Variants in NT5DC3 observed in about 807,000 individuals in gnomAD.
NT5DC3 encodes 5'-nucleotidase domain containing 3, also known as 5'-nucleotidase domain-containing protein 3.
A neutral mutation model predicts 67.8 loss-of-function variants in NT5DC3; 42 were observed. The observed-to-expected ratio is 0.62, with a 90% CI of 0.48 to 0.80. The LOEUF (loss-of-function observed/expected upper bound fraction) is 0.80, where lower values mean the gene tolerates loss of function less well. Ranked by LOEUF, NT5DC3 falls within the 30% of genes least tolerant of loss-of-function variation. The pLI, the probability that NT5DC3 is intolerant of heterozygous loss-of-function variation, is 0.00. For synonymous variants in NT5DC3, 237 were observed against 255.6 expected (o/e 0.93, Z 0.69); for missense variants, 570 against 696.4 (o/e 0.82, Z 2.04).
the NT5DC3 span, chr12:103,755,136 C>T: frequency 1.1e-6 from 1 of 871,098 alleles, no homozygotes; most frequent in Non-Finnish European, 1.8e-6. Flanking sequence ...CTCAATCAAT[C>T]AGTCAACATC....
chr12:103,795,468 A>T (rs1886269607), intron 6 of NT5DC3, among the ~76,000 whole-genome samples: 1 of 152,234 alleles, frequency 6.6e-6, no homozygotes, highest in South Asian at 2.1e-4. Context: ...ACAGATTTTT[A>T]AAGACAAAGT....
At chr12:103,812,469 C>T (rs1887074866) in intron 2 of NT5DC3, among the ~76,000 whole-genome samples, 1 of 152,152 alleles carries the variant, frequency 6.6e-6, no homozygotes, top group South Asian at 2.1e-4. Context: ...AATCTAGAGG[C>T]TTTTCAAATA....
chr12:103,839,396 G>A (rs560841981), intron 1 of NT5DC3, among the ~76,000 whole-genome samples: 30 of 152,130 alleles, frequency 2.0e-4, no homozygotes, highest in Admixed American at 5.2e-4. Flanking sequence ...CCACAGGTGT[G>A]AGCCACGACG....
intron 1 of NT5DC3, among the ~76,000 whole-genome samples, chr12:103,836,508 TC>T (rs1888153904): frequency 1.3e-5 from 2 of 152,188 alleles, no homozygotes; most frequent in African/African-American, 4.8e-5. Context: ...CTCCTTTGAC[TC>T]CAGGTCTCTA....
At chr12:103,763,658 A>T in the NT5DC3 span, 1 of 1,498,730 alleles carries the variant, frequency 6.7e-7, no homozygotes, top group Non-Finnish European at 9.2e-7. Flanking sequence ...GTACAGGGGA[A>T]TGATGTCTTT....
chr12:103,828,169 C>G (rs114151658), intron 1 of NT5DC3, among the ~76,000 whole-genome samples: 2 of 152,140 alleles, frequency 1.3e-5, no homozygotes, highest in Admixed American at 1.3e-4. Context: ...CATATTTAAG[C>G]GACTATCATA....
rs1326159225 is a variant in NT5DC3 at position 103,794,017 on chromosome 12, T to C, written c.754-20A>G. On this transcript the variant is annotated intron_variant, in intron 6 of 13. Coordinates refer to ENST00000392876, the MANE Select transcript of NT5DC3 (RefSeq NM_001031701.3). ...TGAATCCTGCCAAAAGATACATTTT[T>C]AATCAGCGAAAATACAACTGAGATA... The C allele has an allele frequency of 1.9e-6, 3 of 1,604,980 alleles. No individual in the cohort carries two copies. The highest frequency in any genetic ancestry group is 1.7e-5 in the Admixed American group (1 of 60,006).
At chr12:103,798,521 G>A (rs190449142) in intron 5 of NT5DC3, 66 bp downstream of exon 5, 2 of 1,123,856 alleles carry the variant, frequency 1.8e-6, no homozygotes, top group East Asian at 2.3e-5. Context: ...CAGTAGGTAA[G>A]TTCGACAAGG....
At chr12:103,812,798 T>C (rs1468202329) in intron 2 of NT5DC3, among the ~76,000 whole-genome samples, 1 of 152,218 alleles carries the variant, frequency 6.6e-6, no homozygotes, top group Non-Finnish European at 1.5e-5. Context: ...AACATGTGTG[T>C]GCAGGGTTGT....
chr12:103,817,662 G>GA (rs1887319474), intron 1 of NT5DC3, among the ~76,000 whole-genome samples: 1 of 151,876 alleles, frequency 6.6e-6, no homozygotes, highest in Non-Finnish European at 1.5e-5. Context: ...TTTCACAAAC[G>GA]AAGACACTAG....
chr12:103,825,216 GACTA>G (rs761885542), intron 1 of NT5DC3, among the ~76,000 whole-genome samples: 26 of 152,256 alleles, frequency 1.7e-4, no homozygotes, highest in South Asian at 1.0e-3. Flanking sequence ...TTACTCATCT[GACTA>G]ACTAATAATG....
At chr12:103,761,388 T>C in the NT5DC3 span, 1 of 1,613,672 alleles carries the variant, frequency 6.2e-7, no homozygotes, top group Non-Finnish European at 8.5e-7. Context: ...TCCAGGCCTT[T>C]AAAAGCACCC....
At chr12:103,840,921 G>T (rs1888392251) in intron 1 of NT5DC3, 28 bp downstream of exon 1, 1 of 1,302,180 alleles carries the variant, frequency 7.7e-7, no homozygotes, top group South Asian at 1.9e-5. Context: ...GGCCCCAGGC[G>T]CCGGGGCGGG....
At chr12:103,762,219 C>T in the NT5DC3 span, 6 of 1,604,540 alleles carry the variant, frequency 3.7e-6, no homozygotes, top group East Asian at 1.3e-4. Flanking sequence ...AAGGGTTCCC[C>T]TTTTGGGGAG....
At chr12:103,758,513 T>C in the NT5DC3 span, among the ~76,000 whole-genome samples, 1 of 152,184 alleles carries the variant, frequency 6.6e-6, no homozygotes, top group African/African-American at 2.4e-5. Flanking sequence ...CATGGAACTC[T>C]CATCGTCCAA....
rs1886800326 is a variant in NT5DC3 at position 103,806,341 on chromosome 12, G to A, written c.505C>T (p.Gln169Ter). The change falls in exon 4 of 14, where the codon CAG becomes TAG. Residue 169 changes from glutamine to a stop codon, truncating the protein, a stop_gained. Transcript: ENST00000392876. LOFTEE classifies it high-confidence loss of function. ...LMKIDAFHYI[Q>*]LGTVYRGLSV... ...TCTTACCTGTAGACAGTTCCCAGCT[G>A]GATATAATGAAAAGCATCGATCTTC... The A allele has an allele frequency of 6.2e-7, 1 of 1,604,200 alleles. No individual in the cohort carries two copies. The highest frequency in any genetic ancestry group is 8.5e-7 in the Non-Finnish European group (1 of 1,171,208).
downstream of NT5DC3, among the ~76,000 whole-genome samples, chr12:103,768,471 C>T (rs112980230): frequency 0.018 from 1,966 of 107,382 alleles, 72 homozygotes; most frequent in African/African-American, 0.07. Context: ...TTATCACAAG[C>T]AGGGTTTCAT....
At chr12:103,837,528 T>C (rs1345593998) in intron 1 of NT5DC3, among the ~76,000 whole-genome samples, 2 of 152,266 alleles carry the variant, frequency 1.3e-5, no homozygotes, top group Non-Finnish European at 2.9e-5. Flanking sequence ...ATGCCTTTAA[T>C]AGCACCCAAG....
chr12:103,790,369 G>A (rs1419081777), intron 9 of NT5DC3, among the ~76,000 whole-genome samples: 1 of 151,044 alleles, frequency 6.6e-6, no homozygotes, highest in Non-Finnish European at 1.5e-5. Flanking sequence ...TCTGCCTCCT[G>A]GGTTCAAGTG....
Sources: gnomAD v4.1 joint callset for allele counts (sites outside exome capture counted in the v4.1 genomes callset) on GRCh38, gnomAD v4.1.1 for gene constraint, MANE v1.5 for transcripts, NCBI Gene and HGNC (gene_info 2026-07-23, HGNC 2026-07-21) for gene names.